The following RNF38 variants were observed in gnomAD, a reference collection of about 807,000 sequenced individuals.
RNF38 encodes E3 ubiquitin-protein ligase RNF38.
Under a neutral mutation model 67.2 loss-of-function variants are expected in RNF38, and 15 were observed. The observed-to-expected ratio is 0.22, with a 90% confidence interval of 0.15 to 0.34. The LOEUF (loss-of-function observed/expected upper bound fraction) is 0.34. Ranked by LOEUF, RNF38 falls within the 10% of genes least tolerant of loss-of-function variation. The pLI is 1.00. For synonymous variants in RNF38, 220 were observed against 218.8 expected, an observed-to-expected ratio of 1.01 and a Z score of -0.05; for missense variants, 524 against 639.9, an observed-to-expected ratio of 0.82 and a Z score of 1.95.
At chr9:36,389,804 C>G (rs970782437) in intron 2 of RNF38, among the ~76,000 whole-genome samples, 1 of 152,194 alleles carries the variant, frequency 6.6e-6, no homozygotes, top group Non-Finnish European at 1.5e-5. Flanking sequence ...TCCTACCACT[C>G]AGAGGCAATT....
intron 1 of RNF38, among the ~76,000 whole-genome samples, chr9:36,462,248 A>G (rs1173350087): frequency 6.6e-6 from 1 of 152,168 alleles, no homozygotes; most frequent in Admixed American, 6.6e-5. Context: ...AGGGTGACTG[A>G]CTATACACCA....
At chr9:36,382,716 T>C (rs1043631410) in intron 2 of RNF38, among the ~76,000 whole-genome samples, 28 of 152,170 alleles carry the variant, frequency 1.8e-4, no homozygotes, top group South Asian at 1.0e-3. Flanking sequence ...AGGCAACTTG[T>C]GTGGGGAAAT....
At chr9:36,413,742 G>A (rs1258480081) in intron 2 of RNF38, among the ~76,000 whole-genome samples, 3 of 152,160 alleles carry the variant, frequency 2.0e-5, no homozygotes, top group Non-Finnish European at 2.9e-5. Flanking sequence ...TTGAGTTCTT[G>A]ATTTGATTCT....
In RNF38 at chr9:36,473,988, G is replaced by GA. The variant is rs34189537; in HGVS notation, n.241+13319dup. Among the ~76,000 whole-genome samples the GA allele has an allele frequency of 6.1e-3, 443 of 72,678 alleles. 2 individuals carry two copies. The highest frequency in any genetic ancestry group is 0.037 in the South Asian group (81 of 2,160). The allele number at this position is 72,678 out of a possible 152,430, so 47.7% of individuals were successfully genotyped here. A position where few individuals can be genotyped will look rare whatever the true frequency, so the allele number is the denominator to read the frequency against. On this transcript the variant is annotated intron_variant and non_coding_transcript_variant, in intron 1 of 3. Coordinates refer to the RNF38 transcript ENST00000488058. ...GCAATAGAGCAAGACTCCATCTCGG[G>GA]AAAAAAAAAAAAAAAAACCCTCAAT...
At chr9:36,371,516 G>A (rs555742534) in intron 3 of RNF38, among the ~76,000 whole-genome samples, 35 of 145,542 alleles carry the variant, frequency 2.4e-4, no homozygotes, top group South Asian at 1.5e-3. Flanking sequence ...ACGATCTCTC[G>A]GCTCACTGCG....
intron 2 of RNF38, among the ~76,000 whole-genome samples, chr9:36,411,700 T>C (rs1383605966): frequency 6.6e-6 from 1 of 151,594 alleles, no homozygotes; most frequent in Non-Finnish European, 1.5e-5. Flanking sequence ...TAGCTGGGAC[T>C]ACAGGTACCT....
intron 9 of RNF38, among the ~76,000 whole-genome samples, chr9:36,347,957 T>C (rs1833409864): frequency 6.6e-6 from 1 of 152,090 alleles, no homozygotes. Flanking sequence ...GCGCCTGTAG[T>C]CCTACCTACT....
intron 11 of RNF38, 103 bp from the exon 12 acceptor site, chr9:36,339,917 C>G: frequency 9.5e-7 from 1 of 1,049,338 alleles, no homozygotes; most frequent in South Asian, 1.4e-5. Context: ...TACATTCTTT[C>G]TTCCTCTGAA....
At chr9:36,381,321 C>CCTCTGT (rs1836194436) in intron 2 of RNF38, among the ~76,000 whole-genome samples, 2 of 152,148 alleles carry the variant, frequency 1.3e-5, no homozygotes, top group Admixed American at 1.3e-4. Context: ...CTCTTGACTA[C>CCTCTGT]AGAGACCCCA....
At chr9:36,485,898 T>C (rs1463777403) in intron 1 of RNF38, among the ~76,000 whole-genome samples, 1 of 151,628 alleles carries the variant, frequency 6.6e-6, no homozygotes, top group East Asian at 1.9e-4. Flanking sequence ...GGGGAGGGGG[T>C]GCTCAAGCTA....
chr9:36,345,725 A>G (rs1833176943), intron 9 of RNF38, among the ~76,000 whole-genome samples: 1 of 152,228 alleles, frequency 6.6e-6, no homozygotes, highest in African/African-American at 2.4e-5. Context: ...TCAAAACTTT[A>G]AAAAGTAGTT....
Position 36,375,834 on chromosome 9 carries a change from G to A in RNF38, c.356+100C>T, listed in dbSNP as rs530163759. 7.6e-5 allele frequency: 85 copies of A among 1,113,580 alleles called. 1 individual carries two copies. The South Asian group carries it at 8.2e-4, about 11-fold the overall frequency. 69.0% of individuals were successfully genotyped at this position (1,113,580 alleles called of 1,614,324 possible). A position where few individuals can be genotyped will look rare whatever the true frequency, so the allele number is the denominator to read the frequency against. On this transcript the variant is annotated intron_variant, in intron 3 of 11. Transcript: ENST00000259605. Reference sequence around the variant, plus strand: ...AATGTACGTGTATATGTGGTGATGTGTTTATGAAATGCCTACAGAAAAAAT... The same window carrying A: ...AATGTACGTGTATATGTGGTGATGTATTTATGAAATGCCTACAGAAAAAAT...
At chr9:36,402,840 A>T (rs1414965647), upstream of RNF38, among the ~76,000 whole-genome samples, 1 of 151,018 alleles carries the variant, frequency 6.6e-6, no homozygotes, top group Non-Finnish European at 1.5e-5. Context: ...ATAGTTTTAA[A>T]TTTCTTCTTC....
intron 1 of RNF38, among the ~76,000 whole-genome samples, chr9:36,484,200 T>A (rs1346688907): frequency 6.6e-6 from 1 of 152,198 alleles, no homozygotes; most frequent in East Asian, 1.9e-4. Context: ...CTGGAGCACA[T>A]CTATTTCAAC....
At chr9:36,425,699 A>AAAAATG (rs1325243108) in intron 1 of RNF38, among the ~76,000 whole-genome samples, 1 of 152,234 alleles carries the variant, frequency 6.6e-6, no homozygotes, top group African/African-American at 2.4e-5. Context: ...TGTTTCAAAA[A>AAAAATG]AAAATGAAAA....
At chr9:36,416,396 C>A (rs1458273195) in intron 2 of RNF38, among the ~76,000 whole-genome samples, 1 of 152,140 alleles carries the variant, frequency 6.6e-6, no homozygotes, top group Non-Finnish European at 1.5e-5. Context: ...CCTGACAACA[C>A]CGTTATATCC....
chr9:36,456,190 C>G (rs1449089019), intron 1 of RNF38, among the ~76,000 whole-genome samples: 1 of 152,126 alleles, frequency 6.6e-6, no homozygotes, highest in East Asian at 1.9e-4. Context: ...TTCCTAGTAG[C>G]TGAGATTACA....
chr9:36,384,712 TTA>T (rs1357019339), intron 2 of RNF38, among the ~76,000 whole-genome samples: 22 of 152,372 alleles, frequency 1.4e-4, no homozygotes, highest in African/African-American at 5.3e-4. Context: ...ATTTCTCACT[TTA>T]TGTTCTTTGT....
At chr9:36,476,245 C>T (rs1300140581) in intron 1 of RNF38, among the ~76,000 whole-genome samples, 2 of 151,924 alleles carry the variant, frequency 1.3e-5, no homozygotes, top group East Asian at 3.9e-4. Flanking sequence ...CCGTCTCCCC[C>T]ATAACTAGGA....
Sources: gnomAD v4.1 joint callset for allele counts (sites outside exome capture counted in the v4.1 genomes callset) on GRCh38, gnomAD v4.1.1 for gene constraint, MANE v1.5 for transcripts, NCBI Gene and HGNC (gene_info 2026-07-23, HGNC 2026-07-21) for gene names.